Variants in NBPF12 observed in about 807,000 individuals in gnomAD.
The protein encoded by NBPF12 is NBPF member 12, also known as NBPF family member NBPF12.
Under a neutral mutation model 146.4 loss-of-function variants are expected in NBPF12, and 115 were observed. The ratio of observed to expected loss-of-function variants is 0.79; its 90% CI spans 0.68 to 0.92. The LOEUF is 0.92. Ranked by LOEUF, NBPF12 falls within the 40% of genes least tolerant of loss-of-function variation. NBPF12 has a pLI of 0.00. For synonymous variants in NBPF12, 385 were observed against 508.9 expected (o/e 0.76, Z 3.28); for missense variants, 1,205 against 1,326.8 (o/e 0.91, Z 1.43).
At chr1:146,994,419 T>C in exon 34 of NBPF12, 1 of 1,612,292 alleles carries the variant, frequency 6.2e-7, no homozygotes. Flanking sequence ...CAATGTACTT[T>C]GAACTACCTG....
chr1:146,939,875 C>T (rs1462929836), intron 1 of NBPF12, among the ~76,000 whole-genome samples: 2 of 151,570 alleles, frequency 1.3e-5, no homozygotes, highest in East Asian at 1.9e-4. Flanking sequence ...CCCAGCTACT[C>T]GGGAGGCTGA....
chr1:146,949,041 C>T (rs1655205021), upstream of NBPF12, among the ~76,000 whole-genome samples: 1 of 151,992 alleles, frequency 6.6e-6, no homozygotes, highest in Non-Finnish European at 1.5e-5. Context: ...TGCTGATCTT[C>T]TCTCCACTAT....
chr1:146,981,511 T>G (rs1164774506), intron 19 of NBPF12, among the ~76,000 whole-genome samples: 1 of 151,530 alleles, frequency 6.6e-6, no homozygotes, highest in African/African-American at 2.4e-5. Flanking sequence ...TCAACCTTGG[T>G]GAATCTGACA....
chr1:146,941,758 CAAAAAAA>C (rs1226007703), intron 1 of NBPF12, among the ~76,000 whole-genome samples: 11 of 61,842 alleles, frequency 1.8e-4, no homozygotes, highest in Non-Finnish European at 2.8e-4. Flanking sequence ...TGTCTTGTAC[CAAAAAAA>C]AAAAAAAAAA....
At chr1:146,965,938 T>C (rs1656174636) in intron 8 of NBPF12, among the ~76,000 whole-genome samples, 1 of 148,528 alleles carries the variant, frequency 6.7e-6, no homozygotes, top group Admixed American at 6.7e-5. Context: ...CGAAACCCCA[T>C]CTCTACTAAA....
chr1:146,994,489 G>A, exon 34 of NBPF12: 8 of 1,608,890 alleles, frequency 5.0e-6, no homozygotes, highest in Non-Finnish European at 6.8e-6. Context: ...CATCACCTTT[G>A]CCCTTGACAT....
chr1:146,971,773 G>C (rs1210340166), intron 13 of NBPF12, among the ~76,000 whole-genome samples: 5 of 150,820 alleles, frequency 3.3e-5, no homozygotes, highest in African/African-American at 9.9e-5. Context: ...TCATTGGCTT[G>C]TCTTAGCTAT....
chr1:146,980,477 G>A (rs1657302821), intron 19 of NBPF12, among the ~76,000 whole-genome samples: 1 of 151,734 alleles, frequency 6.6e-6, no homozygotes, highest in Non-Finnish European at 1.5e-5. Flanking sequence ...CATGTTTAGT[G>A]CTTCCTTTAG....
intron 5 of NBPF12, among the ~76,000 whole-genome samples, chr1:146,962,756 G>T (rs1655940078): frequency 6.7e-6 from 1 of 148,430 alleles, no homozygotes. Flanking sequence ...GCCGCAAGAT[G>T]CACTATGTGT....
chr1:146,981,311 A>G (rs1241586704), intron 19 of NBPF12, among the ~76,000 whole-genome samples: 1 of 141,898 alleles, frequency 7.0e-6, no homozygotes, highest in Non-Finnish European at 1.5e-5. Flanking sequence ...ATATATATAT[A>G]TATACATACA....
upstream of NBPF12, among the ~76,000 whole-genome samples, chr1:146,945,764 G>A (rs1480618125): frequency 1.8e-4 from 27 of 152,124 alleles, no homozygotes; most frequent in East Asian, 3.9e-4. Flanking sequence ...TGGTCCATTC[G>A]TTACAATTGA....
At position 146,958,180 on chromosome 1, in the gene NBPF12, C is replaced by T. The variant is rs1225959799; in HGVS notation, c.-183-1679C>T. Among the ~76,000 whole-genome samples, 7 of 115,412 alleles carry T rather than the reference C, an allele frequency of 6.1e-5. 1 individual carries two copies. The highest frequency in any genetic ancestry group is 7.5e-5 in the Non-Finnish European group (4 of 53,274). The allele number at this position is 115,412 out of a possible 152,430, so 75.7% of individuals were successfully genotyped here. ...GGCCCTGGTGTGTGATGTTCCCCGCCCTGTGTCCAAGTGTTCTCATTGTTC... is the reference window on the plus strand; with the variant it reads ...GGCCCTGGTGTGTGATGTTCCCCGCTCTGTGTCCAAGTGTTCTCATTGTTC... On this transcript the variant is annotated intron_variant, in intron 2 of 33. Coordinates refer to ENST00000617844, the Ensembl canonical transcript of NBPF12.
intron 11 of NBPF12, among the ~76,000 whole-genome samples, chr1:146,970,027 CT>C (rs1369406187): frequency 2.0e-5 from 3 of 149,386 alleles, no homozygotes; most frequent in South Asian, 2.2e-4. Context: ...GACAAATTGT[CT>C]CTTTCAAGGG....
rs1401205187 is a variant in NBPF12, at chr1:146,960,012, T to G, written c.-36+6T>G. On this transcript the variant is annotated splice_donor_region_variant and intron_variant, in intron 3 of 33. Coordinates refer to ENST00000617844, the Ensembl canonical transcript of NBPF12. ...TGATCACATTTTTCACAACAGTAAG[T>G]TAAGAATTTCAGTTACTGACATCCC... 7.6e-6 allele frequency: 3 copies of G among 394,468 alleles called. No individual in the cohort carries two copies. Among genetic ancestry groups the G allele is most frequent in the East Asian group, 4.1e-5 (1 of 24,634 alleles). The allele number at this position is 394,468 out of a possible 1,614,324, so 24.4% of individuals were successfully genotyped here.
Position 146,949,825 on chromosome 1 carries a change from C to T in NBPF12, c.-326+403C>T, listed in dbSNP as rs1489195010. On this transcript the variant is annotated intron_variant, in intron 1 of 33. Transcript: ENST00000617844. The stretch of plus-strand genomic sequence containing the variant: ...CTACTCTGACTCCAGAGGCCACGTG[C>T]TTTCCTCCTTACCTGTCTGTTTCAT... 6.9e-3 allele frequency among the ~76,000 whole-genome samples: 1,053 copies of T among 152,070 alleles called. 17 individuals carry two copies. The highest frequency in any genetic ancestry group is 5.8e-3 in the Admixed American group (89 of 15,286).
exon 20 of NBPF12, chr1:146,983,091 A>G: frequency 1.9e-6 from 3 of 1,567,762 alleles, no homozygotes; most frequent in Non-Finnish European, 2.6e-6. Flanking sequence ...TGACATAGGC[A>G]GTGAGTACTC....
intron 3 of NBPF12, 35 bp downstream of exon 6, chr1:146,960,041 G>A (rs1655759902): frequency 4.4e-6 from 2 of 457,410 alleles, no homozygotes; most frequent in Non-Finnish European, 7.4e-6. Flanking sequence ...ACATCCCTCA[G>A]TCCTGATTAA....
upstream of NBPF12, among the ~76,000 whole-genome samples, chr1:146,948,072 G>A (rs1469627550): frequency 5.9e-5 from 9 of 151,944 alleles, 1 homozygote; most frequent in South Asian, 8.3e-4. Flanking sequence ...ATGCAACGGC[G>A]CCATCTCAGC....
At chr1:146,953,906 T>C (rs1212471209) in intron 2 of NBPF12, among the ~76,000 whole-genome samples, 4 of 151,952 alleles carry the variant, frequency 2.6e-5, no homozygotes, top group Non-Finnish European at 4.4e-5. Context: ...ATAATGACTG[T>C]GTTTGTTAAC....
Sources: gnomAD v4.1 joint callset for allele counts (sites outside exome capture counted in the v4.1 genomes callset) on GRCh38, gnomAD v4.1.1 for gene constraint, MANE v1.5 for transcripts, NCBI Gene and HGNC (gene_info 2026-07-23, HGNC 2026-07-21) for gene names.